Variants in MRPS6 observed in about 807,000 individuals in gnomAD.
MRPS6 encodes the protein small ribosomal subunit protein bS6m.
In MRPS6, 6 loss-of-function variants were observed where a neutral mutation model predicts 13.1. The ratio of observed to expected loss-of-function variants is 0.46; its 90% CI spans 0.25 to 0.91. MRPS6 has a LOEUF of 0.91. Ranked by LOEUF, MRPS6 falls within the 40% of genes least tolerant of loss-of-function variation. The pLI is 0.18. For synonymous variants in MRPS6, 61 were observed against 56.5 expected (o/e 1.08, Z -0.36); for missense variants, 164 against 155.6 (o/e 1.05, Z -0.29).
chr21:34,102,680 A>T, intron 1 of MRPS6: 3 of 1,000,220 alleles, frequency 3.0e-6, no homozygotes, highest in Middle Eastern at 5.2e-4. Flanking sequence ...GGATGCTAGA[A>T]TAAAGTAAGC....
chr21:34,112,479 G>C (rs1979743589), intron 1 of MRPS6, among the ~76,000 whole-genome samples: 2 of 152,140 alleles, frequency 1.3e-5, no homozygotes, highest in Admixed American at 1.3e-4. Context: ...CCCATTTGAA[G>C]TGTACAATCC....
At chr21:34,135,191 G>A (rs997748611) in intron 2 of MRPS6, among the ~76,000 whole-genome samples, 1 of 152,078 alleles carries the variant, frequency 6.6e-6, no homozygotes, top group Non-Finnish European at 1.5e-5. Flanking sequence ...GTTGTTATAG[G>A]TACAGCTGCT....
chr21:34,091,046 CTG>C (rs953048070), intron 1 of MRPS6, among the ~76,000 whole-genome samples: 2 of 152,128 alleles, frequency 1.3e-5, no homozygotes, highest in African/African-American at 4.8e-5. Flanking sequence ...TCAGAGGTGT[CTG>C]TGTGTTCTAT....
intron 1 of MRPS6, chr21:34,095,036 C>T: frequency 1.2e-6 from 1 of 809,188 alleles, no homozygotes; most frequent in Non-Finnish European, 1.8e-6. Context: ...TCACAACCAC[C>T]ACCATCAAGA....
chr21:34,073,689 G>T lies in MRPS6; in HGVS notation c.-12G>T. ...GGCTGGCTTCCGAGCCGCACTCGCCGATCCTCCAGGCATGCCCCGCTACGA... is the reference window on the plus strand; with the variant it reads ...GGCTGGCTTCCGAGCCGCACTCGCCTATCCTCCAGGCATGCCCCGCTACGA... On this transcript the variant is annotated 5_prime_UTR_variant, in exon 1 of 3. Transcript: ENST00000399312. 1.3e-6 allele frequency: 2 copies of T among 1,518,340 alleles called. No individual in the cohort carries two copies. The allele number at this position is 1,518,340 out of a possible 1,614,324, so 94.1% of individuals were successfully genotyped here.
chr21:34,107,995 G>C (rs541343744), intron 1 of MRPS6, among the ~76,000 whole-genome samples: 32 of 152,290 alleles, frequency 2.1e-4, no homozygotes, highest in African/African-American at 7.7e-4. Context: ...ACAGTCACAT[G>C]TCTTATAATG....
chr21:34,099,036 T>C, intron 1 of MRPS6: 1 of 994,500 alleles, frequency 1.0e-6, no homozygotes, highest in Non-Finnish European at 1.2e-6. Flanking sequence ...TTCATTATGA[T>C]GGACTTGATT....
chr21:34,077,224 A>G (rs1179390868), intron 1 of MRPS6, among the ~76,000 whole-genome samples: 1 of 152,262 alleles, frequency 6.6e-6, no homozygotes, highest in African/African-American at 2.4e-5. Context: ...GTGCCAATAC[A>G]TGAATGGTAA....
At chr21:34,079,625 T>A (rs1457908937) in intron 1 of MRPS6, among the ~76,000 whole-genome samples, 6 of 145,244 alleles carry the variant, frequency 4.1e-5, no homozygotes, top group Admixed American at 4.1e-4. Flanking sequence ...TTTTTTTTTT[T>A]TTTTTTTTAG....
At chr21:34,092,343 G>A (rs111911932) in intron 1 of MRPS6, among the ~76,000 whole-genome samples, 1,751 of 116,242 alleles carry the variant, frequency 0.015, 37 homozygotes, top group South Asian at 0.12. Flanking sequence ...CTCTGCATGT[G>A]TTTTGTTTAA....
chr21:34,112,719 C>T (rs1458663933), intron 1 of MRPS6, among the ~76,000 whole-genome samples: 1 of 152,166 alleles, frequency 6.6e-6, no homozygotes, highest in African/African-American at 2.4e-5. Flanking sequence ...CCAATCCCCC[C>T]TCCCCATAAC....
intron 1 of MRPS6, among the ~76,000 whole-genome samples, chr21:34,094,253 A>C (rs1416671431): frequency 6.6e-6 from 1 of 152,192 alleles, no homozygotes; most frequent in South Asian, 2.1e-4. Context: ...CACAAGATCT[A>C]GGTTACTGTA....
intron 1 of MRPS6, among the ~76,000 whole-genome samples, chr21:34,108,179 T>C (rs1475521413): frequency 6.6e-6 from 1 of 152,184 alleles, no homozygotes; most frequent in Non-Finnish European, 1.5e-5. Flanking sequence ...GACAGTAATG[T>C]CTTAAGCTTT....
chr21:34,113,137 T>G (rs1334004977), intron 1 of MRPS6, among the ~76,000 whole-genome samples: 1 of 152,142 alleles, frequency 6.6e-6, no homozygotes, highest in Non-Finnish European at 1.5e-5. Context: ...ACACCGTTGG[T>G]GGGAATAAAT....
At chr21:34,134,762 T>A (rs1358278090) in intron 2 of MRPS6, among the ~76,000 whole-genome samples, 2 of 152,040 alleles carry the variant, frequency 1.3e-5, no homozygotes, top group Non-Finnish European at 2.9e-5. Flanking sequence ...GAAGCCGTAC[T>A]CAAATACCCA....
At chr21:34,080,374 T>TC (rs1423835500) in intron 1 of MRPS6, among the ~76,000 whole-genome samples, 2 of 152,328 alleles carry the variant, frequency 1.3e-5, no homozygotes, top group African/African-American at 4.8e-5. Context: ...TCAGTTTTTT[T>TC]CCACATTTTA....
chr21:34,084,119 TA>T (rs1989518890), intron 1 of MRPS6, among the ~76,000 whole-genome samples: 1 of 148,434 alleles, frequency 6.7e-6, no homozygotes, highest in South Asian at 2.1e-4. Context: ...TTTGTGGTCT[TA>T]CTTCTTACTT....
At chr21:34,112,780 T>G (rs1390769528) in intron 1 of MRPS6, among the ~76,000 whole-genome samples, 1 of 152,146 alleles carries the variant, frequency 6.6e-6, no homozygotes, top group Non-Finnish European at 1.5e-5. Flanking sequence ...ATCAACTTTT[T>G]AAAATGTCAT....
In MRPS6 at chr21:34,079,602, A is replaced by ATTTTTTTT. The variant is rs398036389; in HGVS notation, c.45+5881_45+5888dup. Among the ~76,000 whole-genome samples, 42 of 43,680 alleles carry ATTTTTTTT rather than the reference A, an allele frequency of 9.6e-4. 2 individuals are homozygous for ATTTTTTTT. Among genetic ancestry groups the ATTTTTTTT allele is most frequent in the African/African-American group, 3.4e-3 (40 of 11,778 alleles). 28.7% of individuals were successfully genotyped at this position (43,680 alleles called of 152,430 possible). A position where few individuals can be genotyped will look rare whatever the true frequency, so the allele number is the denominator to read the frequency against. ...AGGCATGCGCCACCAGACCCAGCTA[A>ATTTTTTTT]TTTTTTTTTTTTTTTTTTTTTTTTT... On this transcript the variant is annotated intron_variant, in intron 1 of 2. Transcript: ENST00000399312.
Sources: allele counts gnomAD v4.1 joint callset (sites outside exome capture counted in the v4.1 genomes callset), GRCh38; gene constraint gnomAD v4.1.1; transcripts MANE v1.5; gene names NCBI Gene and HGNC (gene_info 2026-07-23, HGNC 2026-07-21).